The following PRKD1 variants were observed in gnomAD, a reference collection of about 807,000 sequenced individuals.
PRKD1 encodes the protein serine/threonine-protein kinase D1.
A neutral mutation model predicts 95.9 loss-of-function variants in PRKD1; 63 were observed. That is an observed-to-expected ratio of 0.66 (90% CI 0.54 to 0.81). The LOEUF (loss-of-function observed/expected upper bound fraction) is 0.81. PRKD1 is among the 30% of genes least tolerant of loss of function. The probability of loss-of-function intolerance (pLI) is 0.00; values close to 1 mark genes in which losing one functional copy is unlikely to be tolerated. For missense variants in PRKD1, 1,048 were observed against 1,165.3 expected (o/e 0.90, Z 1.47); for synonymous variants, 425 against 423.1 (o/e 1.00, Z -0.05).
chr14:29,834,974 T>C (rs1341555879), intron 1 of PRKD1, among the ~76,000 whole-genome samples: 2 of 151,990 alleles, frequency 1.3e-5, no homozygotes, highest in African/African-American at 2.4e-5. Flanking sequence ...CTGAGTTGCA[T>C]AGTGCTGAGA....
At chr14:29,780,119 C>T (rs1364101119) in intron 1 of PRKD1, among the ~76,000 whole-genome samples, 1 of 152,164 alleles carries the variant, frequency 6.6e-6, no homozygotes, top group Non-Finnish European at 1.5e-5. Context: ...CTTCCTTACA[C>T]CTTTTACAAA....
At chr14:29,879,809 G>T (rs1417528669) in intron 1 of PRKD1, among the ~76,000 whole-genome samples, 5 of 152,146 alleles carry the variant, frequency 3.3e-5, no homozygotes, top group Non-Finnish European at 5.9e-5. Flanking sequence ...TGGAGCAAAG[G>T]TGACTCTTGT....
intron 2 of PRKD1, among the ~76,000 whole-genome samples, chr14:29,716,623 A>G (rs575435449): frequency 1.9e-4 from 29 of 152,344 alleles, no homozygotes; most frequent in Middle Eastern, 6.8e-3. Context: ...TCCAGAAAGA[A>G]AAAGACAATG....
chr14:29,755,609 G>A (rs1170903512), intron 1 of PRKD1, among the ~76,000 whole-genome samples: 2 of 152,034 alleles, frequency 1.3e-5, no homozygotes, highest in Non-Finnish European at 2.9e-5. Flanking sequence ...TGTAATCATA[G>A]GATTTCTAAA....
At chr14:29,755,593 G>A (rs751700275) in intron 1 of PRKD1, among the ~76,000 whole-genome samples, 20 of 152,076 alleles carry the variant, frequency 1.3e-4, no homozygotes, top group Non-Finnish European at 2.8e-4. Flanking sequence ...GCTGGTTTCT[G>A]TCACTTGTAA....
intron 1 of PRKD1, among the ~76,000 whole-genome samples, chr14:29,829,609 C>A (rs1293329879): frequency 6.6e-6 from 1 of 152,036 alleles, no homozygotes; most frequent in Non-Finnish European, 1.5e-5. Context: ...TAATAAGAGA[C>A]CTTCTTTTAA....
At chr14:29,848,059 G>A (rs546454929) in intron 1 of PRKD1, among the ~76,000 whole-genome samples, 57 of 152,174 alleles carry the variant, frequency 3.7e-4, no homozygotes, top group Middle Eastern at 3.4e-3. Context: ...GTCAATGAGG[G>A]TTAATTCTGG....
At chr14:29,916,998 C>G (rs539674176) in intron 1 of PRKD1, among the ~76,000 whole-genome samples, 4 of 152,216 alleles carry the variant, frequency 2.6e-5, no homozygotes, top group Non-Finnish European at 5.9e-5. Flanking sequence ...GAGGCCCTAC[C>G]AGAACACAAG....
At position 29,802,313 on chromosome 14, in the gene PRKD1, G is replaced by C. The variant is rs181661682; in HGVS notation, c.265-76639C>G. 2.7e-3 allele frequency among the ~76,000 whole-genome samples: 416 copies of C among 152,268 alleles called. 2 individuals carry two copies. Among genetic ancestry groups the C allele is most frequent in the Middle Eastern group, 0.014 (4 of 294 alleles). ...ACCATAATACAAATAGATTAAGAAA[G>C]GAAGAAGACAATACATCTAATGCAC... On this transcript the variant is annotated intron_variant, in intron 1 of 17. Transcript: ENST00000331968.
intron 1 of PRKD1, among the ~76,000 whole-genome samples, chr14:29,844,944 A>T (rs141638473): frequency 2.0e-5 from 3 of 152,308 alleles, no homozygotes; most frequent in Admixed American, 6.5e-5. Context: ...ATTTTCCATA[A>T]TGACCATATA....
intron 2 of PRKD1, among the ~76,000 whole-genome samples, chr14:29,692,609 G>A (rs1268116274): frequency 6.6e-6 from 1 of 151,846 alleles, no homozygotes; most frequent in Non-Finnish European, 1.5e-5. Flanking sequence ...TTTTCCTTTT[G>A]TAATTAAAGC....
intron 16 of PRKD1, among the ~76,000 whole-genome samples, chr14:29,586,069 T>C (rs900209951): frequency 6.6e-6 from 1 of 152,228 alleles, no homozygotes; most frequent in Non-Finnish European, 1.5e-5. Context: ...TGCTAGGCAA[T>C]CCAATATTGC....
intron 1 of PRKD1, among the ~76,000 whole-genome samples, chr14:29,775,432 C>T (rs1052805323): frequency 1.3e-5 from 2 of 152,188 alleles, no homozygotes; most frequent in African/African-American, 2.4e-5. Flanking sequence ...CCTGGAAAAT[C>T]GGGTCACTCC....
At chr14:29,914,087 C>T (rs10134171) in intron 1 of PRKD1, among the ~76,000 whole-genome samples, 3,604 of 152,284 alleles carry the variant, frequency 0.024, 151 homozygotes, top group African/African-American at 0.083. Flanking sequence ...CCGTTAGAAT[C>T]GAACTGAATT....
intron 1 of PRKD1, among the ~76,000 whole-genome samples, chr14:29,776,603 T>C (rs1888768485): frequency 6.6e-6 from 1 of 151,030 alleles, no homozygotes; most frequent in African/African-American, 2.4e-5. Context: ...GAAAAAGGAG[T>C]AAAAGAAATG....
chr14:29,596,777 G>C (rs901618511), intron 16 of PRKD1, among the ~76,000 whole-genome samples: 2 of 152,128 alleles, frequency 1.3e-5, no homozygotes, highest in African/African-American at 2.4e-5. Context: ...GTATGTTAAA[G>C]GAGGAACTCC....
At chr14:29,692,333 T>C (rs2139301001) in intron 2 of PRKD1, among the ~76,000 whole-genome samples, 1 of 152,218 alleles carries the variant, frequency 6.6e-6, no homozygotes, top group South Asian at 2.1e-4. Context: ...TCTTACTGTG[T>C]AGACAGTTAA....
chr14:29,779,575 T>A (rs1190536185), intron 1 of PRKD1, among the ~76,000 whole-genome samples: 3 of 152,040 alleles, frequency 2.0e-5, no homozygotes, highest in African/African-American at 7.3e-5. Context: ...GAATCCAACT[T>A]ACAAGGGATG....
At chr14:29,860,934 A>G (rs560532627) in intron 1 of PRKD1, among the ~76,000 whole-genome samples, 2 of 152,190 alleles carry the variant, frequency 1.3e-5, no homozygotes, top group Admixed American at 6.5e-5. Flanking sequence ...TTCCCCAATT[A>G]TGGGTTAATT....
Sources: allele counts gnomAD v4.1 joint callset (sites outside exome capture counted in the v4.1 genomes callset), GRCh38; gene constraint gnomAD v4.1.1; transcripts MANE v1.5; gene names NCBI Gene and HGNC (gene_info 2026-07-23, HGNC 2026-07-21).